PDE3A: variants seen among roughly 807,000 people sequenced by gnomAD.
The protein encoded by PDE3A is phosphodiesterase 3A.
A neutral mutation model predicts 98.3 loss-of-function variants in PDE3A; 43 were observed. That is an observed-to-expected ratio of 0.44 (90% CI 0.34 to 0.56). The LOEUF (loss-of-function observed/expected upper bound fraction) is 0.56, where lower values mean the gene tolerates loss of function less well. Ranked by LOEUF, PDE3A falls within the 20% of genes least tolerant of loss-of-function variation. The pLI is 0.01. For synonymous variants in PDE3A, 663 were observed against 567.9 expected (o/e 1.17, Z -2.38); for missense variants, 1,427 against 1,440.7 (o/e 0.99, Z 0.15).
Position 20,629,961 on chromosome 12 carries a change from G to C in PDE3A, c.1594G>C (p.Gly532Arg). 1 of 1,614,006 alleles carries C rather than the reference G, an allele frequency of 6.2e-7. No individual in the cohort carries two copies. The highest frequency in any genetic ancestry group is 2.2e-5 in the East Asian group (1 of 44,874). The change falls in exon 6 of 16, where the codon GGG becomes CGG. Residue 532 changes from glycine to arginine, a missense_variant. By Grantham distance (125) the Gly-to-Arg change is moderately radical. This residue lies in a region of PDE3A where 1,012 missense variants were observed against 886.5 expected (regional missense o/e 1.14). Coordinates refer to ENST00000359062, the MANE Select transcript of PDE3A (RefSeq NM_000921.5). ...ATCGCCCTGCTCCTCACCTCTCCAAGGGACTCCTGCCAGCAGCCTGGTCAG... is the reference window on the plus strand; with the variant it reads ...ATCGCCCTGCTCCTCACCTCTCCAACGGACTCCTGCCAGCAGCCTGGTCAG... Reference protein sequence around the residue: ...LSSPCSSPLQGTPASSLVSKI... With the variant: ...LSSPCSSPLQRTPASSLVSKI...
At chr12:20,471,940 C>T (rs143291871) in intron 1 of PDE3A, among the ~76,000 whole-genome samples, 5 of 152,150 alleles carry the variant, frequency 3.3e-5, no homozygotes, top group African/African-American at 9.6e-5. Flanking sequence ...GTGGCATTGA[C>T]GCGATTGGTC....
intron 2 of PDE3A, among the ~76,000 whole-genome samples, chr12:20,606,586 CG>C (rs2121426623): frequency 6.6e-6 from 1 of 152,018 alleles, no homozygotes; most frequent in African/African-American, 2.4e-5. Flanking sequence ...TGGCCGGGTG[CG>C]GTGGCTCACG....
chr12:20,614,103 A>G (rs1943938759), intron 3 of PDE3A, among the ~76,000 whole-genome samples: 1 of 152,018 alleles, frequency 6.6e-6, no homozygotes, highest in Non-Finnish European at 1.5e-5. Flanking sequence ...AAGGTTCTTT[A>G]CTCTTTGATT....
At chr12:20,471,690 A>C (rs556989057) in intron 1 of PDE3A, among the ~76,000 whole-genome samples, 1 of 152,264 alleles carries the variant, frequency 6.6e-6, no homozygotes, top group South Asian at 2.1e-4. Context: ...ATTTTCTAGG[A>C]TGTTTGGATT....
At chr12:20,615,016 C>CTTTTTT (rs11313010) in intron 3 of PDE3A, among the ~76,000 whole-genome samples, 88 of 59,056 alleles carry the variant, frequency 1.5e-3, no homozygotes, top group African/African-American at 3.2e-3. Flanking sequence ...TTCTCTCTTT[C>CTTTTTT]TTTTTTTTTT....
At chr12:20,457,533 A>C (rs1221257044) in intron 1 of PDE3A, among the ~76,000 whole-genome samples, 1 of 151,814 alleles carries the variant, frequency 6.6e-6, no homozygotes, top group Non-Finnish European at 1.5e-5. Flanking sequence ...TTTAACTGTA[A>C]TTCTATATAC....
intron 1 of PDE3A, among the ~76,000 whole-genome samples, chr12:20,430,503 T>C (rs936347912): frequency 1.2e-4 from 19 of 152,170 alleles, no homozygotes; most frequent in Non-Finnish European, 2.2e-4. Context: ...TAAAACAAAA[T>C]TGCCTCTTTT....
intron 1 of PDE3A, among the ~76,000 whole-genome samples, chr12:20,414,707 G>C (rs12370763): frequency 6.6e-6 from 1 of 151,876 alleles, no homozygotes; most frequent in Non-Finnish European, 1.5e-5. Flanking sequence ...TTTCTGAGAT[G>C]ATCAATTCTT....
chr12:20,527,813 TC>T (rs1946552656), intron 1 of PDE3A, among the ~76,000 whole-genome samples: 1 of 151,926 alleles, frequency 6.6e-6, no homozygotes, highest in African/African-American at 2.4e-5. Context: ...AAAACTTTTT[TC>T]CCCCCATTAT....
chr12:20,578,238 A>G (rs1942981518), intron 2 of PDE3A, among the ~76,000 whole-genome samples: 1 of 152,118 alleles, frequency 6.6e-6, no homozygotes, highest in African/African-American at 2.4e-5. Context: ...GGACCGTGTC[A>G]GGATAGACAA....
intron 2 of PDE3A, among the ~76,000 whole-genome samples, chr12:20,603,986 T>C (rs924270917): frequency 6.6e-6 from 1 of 151,954 alleles, no homozygotes; most frequent in Non-Finnish European, 1.5e-5. Context: ...CTGGCCAACA[T>C]GGGGAAACCC....
chr12:20,587,094 G>A (rs1943216298), intron 2 of PDE3A, among the ~76,000 whole-genome samples: 1 of 152,276 alleles, frequency 6.6e-6, no homozygotes, highest in East Asian at 1.9e-4. Flanking sequence ...GCTCTGCTGG[G>A]CGCAGTGGCT....
chr12:20,597,323 G>A (rs368039029), intron 2 of PDE3A, among the ~76,000 whole-genome samples: 164 of 152,252 alleles, frequency 1.1e-3, no homozygotes, highest in African/African-American at 3.9e-3. Flanking sequence ...TGGATCAGAA[G>A]CTAGAAAGCC....
chr12:20,371,035 G>A (rs1323893225), intron 1 of PDE3A, among the ~76,000 whole-genome samples: 5 of 152,144 alleles, frequency 3.3e-5, no homozygotes, highest in Non-Finnish European at 7.3e-5. Context: ...AAATTCAAAT[G>A]GATTTATGCA....
chr12:20,573,666 T>A (rs984924061), intron 2 of PDE3A, among the ~76,000 whole-genome samples: 1 of 152,134 alleles, frequency 6.6e-6, no homozygotes, highest in African/African-American at 2.4e-5. Context: ...CATGAAGATA[T>A]CCAAACACTT....
At chr12:20,449,536 G>A (rs965809448) in intron 1 of PDE3A, 3 of 239,884 alleles carry the variant, frequency 1.3e-5, no homozygotes, top group South Asian at 1.7e-4. Context: ...AGTGGTAGGC[G>A]GTGGCACGTG....
At chr12:20,561,138 G>A (rs1942507172) in intron 2 of PDE3A, among the ~76,000 whole-genome samples, 1 of 152,006 alleles carries the variant, frequency 6.6e-6, no homozygotes, top group African/African-American at 2.4e-5. Context: ...GCATGTGACT[G>A]TAGTCTCAGC....
intron 1 of PDE3A, among the ~76,000 whole-genome samples, chr12:20,547,124 T>C (rs1232718313): frequency 6.6e-6 from 1 of 152,112 alleles, no homozygotes; most frequent in African/African-American, 2.4e-5. Flanking sequence ...GGTTTGTGTG[T>C]CTGGCTCTTT....
At chr12:20,548,215 C>A (rs1253829378) in intron 1 of PDE3A, among the ~76,000 whole-genome samples, 1 of 152,000 alleles carries the variant, frequency 6.6e-6, no homozygotes, top group Non-Finnish European at 1.5e-5. Context: ...TTGTGCCTAT[C>A]TTGGTTAATG....
Sources: gnomAD v4.1 joint callset for allele counts (sites outside exome capture counted in the v4.1 genomes callset) on GRCh38, gnomAD v4.1.1 for gene constraint, gnomAD v4.1.1 regional missense constraint, MANE v1.5 for transcripts, NCBI Gene and HGNC (gene_info 2026-07-23, HGNC 2026-07-21) for gene names.